Variants in MEIS3 observed in about 807,000 individuals in gnomAD.
The protein encoded by MEIS3 is Meis homeobox 3, also known as homeobox protein Meis3.
A neutral mutation model predicts 51.4 loss-of-function variants in MEIS3; 38 were observed. That is an observed-to-expected ratio of 0.74 (90% confidence interval 0.57 to 0.97). The LOEUF (loss-of-function observed/expected upper bound fraction) is 0.97, where lower values mean the gene tolerates loss of function less well. Ranked by LOEUF, MEIS3 falls within the 50% of genes least tolerant of loss-of-function variation. The pLI, the probability that MEIS3 is intolerant of heterozygous loss-of-function variation, is 0.00. For missense variants in MEIS3, 456 were observed against 502.6 expected (o/e 0.91, Z 0.89); for synonymous variants, 198 against 201.8 (o/e 0.98, Z 0.16).
intron 8 of MEIS3, 89 bp from the exon 9 acceptor site, chr19:47,407,517 G>A: frequency 6.2e-7 from 1 of 1,608,118 alleles, no homozygotes; most frequent in South Asian, 1.1e-5. Context: ...GGGGGATGGG[G>A]AGCCCAGGCC....
At position 47,406,904 on chromosome 19, in the gene MEIS3, C is replaced by T; in HGVS notation, c.1062G>A (p.Val354=). The change falls in exon 11 of 13, where the codon GTG becomes GTA. Residue 354 remains valine (V), a synonymous_variant. Coordinates refer to ENST00000558555, the MANE Select transcript of MEIS3 (RefSeq NM_001301059.2). ...IGGYTETQPH[V]AVRPPGSVGM... ...GAGGCTTACCCGGAGGCCGGACGGC[C>T]ACGTGTGGCTGCGTCTCGGTATAGC... The T allele has an allele frequency of 6.3e-7, 1 of 1,576,160 alleles. No homozygotes were observed. The highest frequency in any genetic ancestry group is 8.6e-7 in the Non-Finnish European group (1 of 1,163,190).
intron 6 of MEIS3, among the ~76,000 whole-genome samples, chr19:47,411,510 G>C (rs1216444354): frequency 6.6e-6 from 1 of 151,348 alleles, no homozygotes; most frequent in African/African-American, 2.4e-5. Context: ...TTGTAGCTAA[G>C]GGGGTCTGGG....
upstream of MEIS3, among the ~76,000 whole-genome samples, chr19:47,420,910 T>TCTCACA (rs1457117398): frequency 0.054 from 3,808 of 70,406 alleles, 166 homozygotes; most frequent in East Asian, 0.11. Context: ...TCTCTCTCTC[T>TCTCACA]CACACACACA....
Position 47,417,084 on chromosome 19 carries a change from T to G in MEIS3, c.185+94A>C, listed in dbSNP as rs977698355. On this transcript the variant is annotated intron_variant, in intron 2 of 12. Coordinates refer to ENST00000558555, the MANE Select transcript of MEIS3 (RefSeq NM_001301059.2). ...CCCAGAGAGGGAAGGAGACAGAGAC[T>G]CGTACACAGAGAGAGACAGAAGCAG... 3.3e-6 allele frequency: 5 copies of G among 1,534,064 alleles called. No homozygotes were observed. In the African/African-American group the frequency reaches 7.0e-5, roughly 21 times the overall value.
chr19:47,403,918 G>T (rs998004145), intron 12 of MEIS3, among the ~76,000 whole-genome samples: 4 of 151,998 alleles, frequency 2.6e-5, no homozygotes, highest in Non-Finnish European at 5.9e-5. Flanking sequence ...AGAGAGACAG[G>T]AGGCTGGGCG....
chr19:47,420,450 AG>A (rs1169778000), upstream of MEIS3, among the ~76,000 whole-genome samples: 54 of 86,126 alleles, frequency 6.3e-4, no homozygotes, highest in African/African-American at 2.2e-3. Context: ...GAAGGGAGGG[AG>A]GGGGCACCTG....
chr19:47,415,123 G>C (rs921549806), intron 4 of MEIS3, 22 bp from the exon 5 acceptor site: 22 of 1,498,848 alleles, frequency 1.5e-5, no homozygotes, highest in African/African-American at 2.8e-5. Flanking sequence ...GGCGGGAGGT[G>C]GGGGGAGACA....
intron 7 of MEIS3, 78 bp from the exon 8 acceptor site, chr19:47,409,325 A>C (rs1360586596): frequency 6.3e-7 from 1 of 1,578,348 alleles, no homozygotes; most frequent in Non-Finnish European, 8.6e-7. Context: ...CTCCCCCAAG[A>C]CAACACTCCA....
upstream of MEIS3, among the ~76,000 whole-genome samples, chr19:47,420,914 A>T (rs867585238): frequency 1.7e-3 from 158 of 94,226 alleles, no homozygotes; most frequent in Middle Eastern, 0.01. Context: ...TCTCTCTCAC[A>T]CACACACACA....
chr19:47,410,957 G>A (rs1214083232), intron 6 of MEIS3, among the ~76,000 whole-genome samples: 1 of 152,016 alleles, frequency 6.6e-6, no homozygotes, highest in Non-Finnish European at 1.5e-5. Context: ...TTTATTTTTA[G>A]TCAGTGTCTC....
rs944796535 is a variant in MEIS3, at chr19:47,417,748, A to G, written c.13-398T>C. The G allele has an allele frequency of 6.0e-6, 4 of 668,978 alleles. No homozygotes were observed. The African/African-American group carries it at 7.1e-5, about 12-fold the overall frequency. The allele number at this position is 668,978 out of a possible 1,614,324, so 41.4% of individuals were successfully genotyped here. On this transcript the variant is annotated intron_variant, in intron 1 of 12. Transcript: ENST00000558555. ...GCATTGTTGTACACAAAGTACACAT[A>G]CGAAGCCTCCCTGTCTTCTATTTCA...
chr19:47,415,746 GT>G (rs34546128), intron 4 of MEIS3: 1,667 of 152,078 alleles, frequency 0.011, 35 homozygotes, highest in African/African-American at 0.038. Context: ...GCTAATTTTT[GT>G]ATTTTTAGTA....
chr19:47,413,192 T>G (rs1469759372), intron 6 of MEIS3, among the ~76,000 whole-genome samples: 2 of 149,928 alleles, frequency 1.3e-5, no homozygotes, highest in Non-Finnish European at 1.5e-5. Flanking sequence ...AAGTCAGGAG[T>G]TCGAGGCCAG....
At position 47,417,485 on chromosome 19, in the gene MEIS3, G is replaced by T. The variant is rs2122565467; in HGVS notation, c.13-135C>A. 5 of 1,117,228 alleles carry T rather than the reference G, an allele frequency of 4.5e-6. No individual in the cohort carries two copies. The South Asian group carries it at 5.3e-5, about 12-fold the overall frequency. 69.2% of individuals were successfully genotyped at this position (1,117,228 alleles called of 1,614,324 possible). A position where few individuals can be genotyped will look rare whatever the true frequency, so the allele number is the denominator to read the frequency against. On this transcript the variant is annotated intron_variant, in intron 1 of 12. Coordinates refer to ENST00000558555, the MANE Select transcript of MEIS3 (RefSeq NM_001301059.2). ...CCAGAAACCTGCCTGTGGTCCCCAG[G>T]TGTCTGAGCCCCCAAGCTTGAAGCC...
In MEIS3 at chr19:47,406,886, A is replaced by G; in HGVS notation, c.1078+2T>C. The stretch of plus-strand genomic sequence containing the variant: ...GGGCCTAGCTAAGGGGGCGAGGCTT[A>G]CCCGGAGGCCGGACGGCCACGTGTG... On this transcript the variant is annotated splice_donor_variant, in intron 11 of 12. Coordinates refer to ENST00000558555, the MANE Select transcript of MEIS3 (RefSeq NM_001301059.2). LOFTEE classifies it high-confidence loss of function. 2 of 1,567,856 alleles carry G rather than the reference A, an allele frequency of 1.3e-6. No individual in the cohort carries two copies. Among genetic ancestry groups the G allele is most frequent in the African/African-American group, 2.7e-5 (2 of 74,136 alleles).
chr19:47,407,087 T>A lies in MEIS3; in HGVS notation c.986A>T (p.Asn329Ile). ...RIVQPMIDQS[N>I]RTGQGAAFSP... ...CCGCCTTCCCCCTGTACCTGTGCGGTTGGATTGATCGATCATAGGTTGCAC... is the reference window on the plus strand; with the variant it reads ...CCGCCTTCCCCCTGTACCTGTGCGGATGGATTGATCGATCATAGGTTGCAC... The change falls in exon 10 of 13, where the codon AAC (asparagine) becomes ATC (isoleucine). Residue 329 changes from asparagine to isoleucine, a missense_variant. Coordinates refer to ENST00000558555, the MANE Select transcript of MEIS3 (RefSeq NM_001301059.2). The A allele has an allele frequency of 6.2e-7, 1 of 1,611,164 alleles. No individual in the cohort carries two copies. The highest frequency in any genetic ancestry group is 1.1e-5 in the South Asian group (1 of 90,140).
rs777054791 is a variant in MEIS3 at position 47,416,822 on chromosome 19, G to A, written c.327C>T (p.Ile109=). The change falls in exon 3 of 13, where the codon ATC becomes ATT. Residue 109 remains isoleucine (I), a synonymous_variant. Coordinates refer to ENST00000558555, the MANE Select transcript of MEIS3 (RefSeq NM_001301059.2). ...TGCCCACCTGCTTGGCAAAGGCAGCGATGTCCTCGTTGAAGGAATCAGAGG... is the reference window on the plus strand; with the variant it reads ...TGCCCACCTGCTTGGCAAAGGCAGCAATGTCCTCGTTGAAGGAATCAGAGG... The part of the protein sequence containing the change: ...VCSSDSFNED[I]AAFAKQVRSE... The A allele has an allele frequency of 3.1e-6, 5 of 1,613,730 alleles. 1 individual carries two copies. In the South Asian group the frequency reaches 3.3e-5, roughly 11 times the overall value.
At position 47,415,065 on chromosome 19, in the gene MEIS3, G is replaced by T. The variant is rs745496665; in HGVS notation, c.433C>A (p.Leu145Met). 31 of 1,561,280 alleles carry T rather than the reference G, an allele frequency of 2.0e-5. No homozygotes were observed. Among genetic ancestry groups the T allele is most frequent in the Non-Finnish European group, 2.7e-5 (31 of 1,154,596 alleles). ...QAIQVLRFHL[L>M]ELEKVHDLCD... ...GACGCGCTCACCTTCTCCAGCTCCA[G>T]CAGGTGGAACCGCAGCACCTGGATG... is the stretch of plus-strand genomic sequence containing the variant. Residue 145 changes from leucine (L) to methionine (M), a missense_variant, in exon 5 of 13, where the codon CTG becomes ATG. Physicochemically the swap from Leu to Met is conservative, Grantham distance 15. Transcript: ENST00000558555.
chr19:47,421,060 G>A (rs1484663320), upstream of MEIS3, among the ~76,000 whole-genome samples: 7 of 151,810 alleles, frequency 4.6e-5, no homozygotes, highest in Non-Finnish European at 5.9e-5. Flanking sequence ...GTGCTGGAGC[G>A]GGGGTGCCTG....
Sources: gnomAD v4.1 joint callset for allele counts (sites outside exome capture counted in the v4.1 genomes callset) on GRCh38, gnomAD v4.1.1 for gene constraint, MANE v1.5 for transcripts, NCBI Gene and HGNC (gene_info 2026-07-23, HGNC 2026-07-21) for gene names.